Variants in UBE2E2 observed in about 807,000 individuals in gnomAD.
UBE2E2 encodes the protein ubiquitin-conjugating enzyme E2 E2.
In UBE2E2, 6 loss-of-function variants were observed where a neutral mutation model predicts 24.7. The ratio of observed to expected loss-of-function variants is 0.24; its 90% CI spans 0.13 to 0.48. UBE2E2 has a LOEUF of 0.48. UBE2E2 is among the 20% of genes least tolerant of loss of function. The pLI is 0.99. For synonymous variants in UBE2E2, 104 were observed against 83.6 expected, an observed-to-expected ratio of 1.24 and a Z score of -1.33; for missense variants, 169 against 245.0, an observed-to-expected ratio of 0.69 and a Z score of 2.07.
chr3:23,296,458 C>T (rs1698911524), intron 3 of UBE2E2, among the ~76,000 whole-genome samples: 2 of 152,064 alleles, frequency 1.3e-5, no homozygotes. Context: ...AATGCTATCC[C>T]TCTCCCCACC....
intron 3 of UBE2E2, among the ~76,000 whole-genome samples, chr3:23,359,632 TC>T (rs1696059464): frequency 1.3e-5 from 2 of 152,298 alleles, no homozygotes; most frequent in African/African-American, 4.8e-5. Flanking sequence ...GCAGAACTTT[TC>T]TTTTTTTGCC....
chr3:23,506,569 TCTC>T (rs775180907), intron 4 of UBE2E2, among the ~76,000 whole-genome samples: 1 of 152,170 alleles, frequency 6.6e-6, no homozygotes, highest in Non-Finnish European at 1.5e-5. Flanking sequence ...CGTCAACTGT[TCTC>T]CTCCCTCAGA....
intron 3 of UBE2E2, among the ~76,000 whole-genome samples, chr3:23,368,257 T>G (rs1696312305): frequency 6.6e-6 from 1 of 152,208 alleles, no homozygotes; most frequent in Non-Finnish European, 1.5e-5. Flanking sequence ...TTGATGATGA[T>G]GGCTCCTCCA....
rs1695148109 is a variant in UBE2E2 at position 23,532,492 on chromosome 3, G to A, written c.361-62G>A. 5.7e-6 allele frequency: 8 copies of A among 1,391,748 alleles called. No homozygotes were observed. In the South Asian group the frequency reaches 1.6e-4, roughly 28 times the overall value. 86.2% of individuals were successfully genotyped at this position (1,391,748 alleles called of 1,614,324 possible). A position where few individuals can be genotyped will look rare whatever the true frequency, so the allele number is the denominator to read the frequency against. On this transcript the variant is annotated intron_variant, in intron 4 of 5. Coordinates refer to ENST00000396703, the MANE Select transcript of UBE2E2 (RefSeq NM_152653.4). ...TAGGCAATTTTATTAGACAAAAATT[G>A]TCTATAGATACTGTTAATAAACACT...
At chr3:23,434,834 C>T (rs1305334259) in intron 3 of UBE2E2, among the ~76,000 whole-genome samples, 2 of 152,092 alleles carry the variant, frequency 1.3e-5, no homozygotes, top group African/African-American at 4.8e-5. Context: ...TTATCTGAAG[C>T]AAGTGATTTT....
At chr3:23,377,064 G>A (rs1696541631) in intron 3 of UBE2E2, among the ~76,000 whole-genome samples, 1 of 152,154 alleles carries the variant, frequency 6.6e-6, no homozygotes, top group Non-Finnish European at 1.5e-5. Flanking sequence ...CCTAGATTTG[G>A]ATGTTAGTCA....
intron 3 of UBE2E2, among the ~76,000 whole-genome samples, chr3:23,379,669 AGATTAT>A (rs1696616726): frequency 6.6e-6 from 1 of 151,888 alleles, no homozygotes; most frequent in African/African-American, 2.4e-5. Context: ...GTTGGTTCCA[AGATTAT>A]GTATTTATTG....
chr3:23,308,016 T>C (rs186626915), intron 3 of UBE2E2, among the ~76,000 whole-genome samples: 2 of 152,328 alleles, frequency 1.3e-5, no homozygotes, highest in African/African-American at 4.8e-5. Flanking sequence ...GTTTCAAGAA[T>C]TGTATCCTTA....
At chr3:23,427,736 C>A (rs893095129) in intron 3 of UBE2E2, among the ~76,000 whole-genome samples, 2 of 152,168 alleles carry the variant, frequency 1.3e-5, no homozygotes, top group African/African-American at 4.8e-5. Context: ...ATATACTATG[C>A]TAACACTAAT....
At chr3:23,565,220 A>G (rs987019677) in intron 5 of UBE2E2, among the ~76,000 whole-genome samples, 1 of 152,054 alleles carries the variant, frequency 6.6e-6, no homozygotes, top group African/African-American at 2.4e-5. Context: ...TCACATTATG[A>G]TGTGAGTCAA....
At chr3:23,547,377 T>C (rs1695548264) in intron 5 of UBE2E2, among the ~76,000 whole-genome samples, 1 of 152,246 alleles carries the variant, frequency 6.6e-6, no homozygotes, top group Admixed American at 6.5e-5. Context: ...GATTATTAAG[T>C]AGCTGACTAT....
intron 3 of UBE2E2, among the ~76,000 whole-genome samples, chr3:23,303,328 A>G (rs1266006279): frequency 6.6e-6 from 1 of 152,156 alleles, no homozygotes; most frequent in Non-Finnish European, 1.5e-5. Context: ...AAAGTGCACA[A>G]CAACTATAAT....
intron 3 of UBE2E2, among the ~76,000 whole-genome samples, chr3:23,452,344 CT>C (rs949770482): frequency 3.3e-5 from 5 of 149,632 alleles, no homozygotes; most frequent in South Asian, 2.1e-4. Context: ...TATACAGAAT[CT>C]TTTTTTTTTC....
At chr3:23,261,753 A>C (rs903422478) in intron 3 of UBE2E2, among the ~76,000 whole-genome samples, 2 of 152,200 alleles carry the variant, frequency 1.3e-5, no homozygotes, top group Admixed American at 1.3e-4. Flanking sequence ...ACTTAGCATA[A>C]TGCGCTTCAG....
intron 3 of UBE2E2, among the ~76,000 whole-genome samples, chr3:23,487,845 CTG>C (rs1699409869): frequency 2.0e-5 from 3 of 152,164 alleles, no homozygotes; most frequent in African/African-American, 7.2e-5. Context: ...TTAAGTGTCT[CTG>C]TGTGCAGGTC....
At chr3:23,469,048 G>T (rs1305596896) in intron 3 of UBE2E2, among the ~76,000 whole-genome samples, 2 of 152,194 alleles carry the variant, frequency 1.3e-5, no homozygotes, top group African/African-American at 4.8e-5. Flanking sequence ...ACCATGGACT[G>T]AGTGGATTGT....
chr3:23,330,401 A>G lies in UBE2E2; in HGVS notation c.227+113089A>G, dbSNP rs578093205. The stretch of plus-strand genomic sequence containing the variant: ...AAAAATAAAGAATCCTTACAAAAGT[A>G]AACTTAGTCTACGTTGCTGGCAGAA... On this transcript the variant is annotated intron_variant, in intron 3 of 5. Transcript: ENST00000396703. Among the ~76,000 whole-genome samples the G allele has an allele frequency of 4.6e-5, 7 of 152,350 alleles. No homozygotes were observed. In the South Asian group the frequency reaches 1.0e-3, roughly 23 times the overall value.
At chr3:23,565,718 G>A (rs1210986379) in intron 5 of UBE2E2, among the ~76,000 whole-genome samples, 2 of 152,060 alleles carry the variant, frequency 1.3e-5, no homozygotes, top group African/African-American at 4.8e-5. Flanking sequence ...CCCACAATAA[G>A]CAGTTGGTCT....
intron 4 of UBE2E2, among the ~76,000 whole-genome samples, chr3:23,505,322 T>C (rs942065102): frequency 6.6e-6 from 1 of 152,144 alleles, no homozygotes; most frequent in African/African-American, 2.4e-5. Context: ...GGTAACGCAT[T>C]TTTAATTTAG....
Sources: gnomAD v4.1 joint callset for allele counts (sites outside exome capture counted in the v4.1 genomes callset) on GRCh38, gnomAD v4.1.1 for gene constraint, MANE v1.5 for transcripts, NCBI Gene and HGNC (gene_info 2026-07-23, HGNC 2026-07-21) for gene names.